The following DAB1 variants were observed in gnomAD, a reference collection of about 807,000 sequenced individuals.
The protein encoded by DAB1 is disabled homolog 1.
In DAB1, 15 loss-of-function variants were observed where a neutral mutation model predicts 64.6. The ratio of observed to expected loss-of-function variants is 0.23; its 90% CI spans 0.16 to 0.36. The LOEUF (loss-of-function observed/expected upper bound fraction) is 0.36, where lower values mean the gene tolerates loss of function less well. DAB1 is among the 10% of genes least tolerant of loss of function. DAB1 has a pLI of 1.00. For synonymous variants in DAB1, 235 were observed against 251.9 expected (o/e 0.93, Z 0.64); for missense variants, 596 against 706.7 (o/e 0.84, Z 1.78).
chr1:57,389,239 C>T (rs1682134694), intron 1 of DAB1, among the ~76,000 whole-genome samples: 3 of 152,220 alleles, frequency 2.0e-5, no homozygotes, highest in Admixed American at 2.0e-4. Context: ...GCCCTTCACA[C>T]CTTCTACTCC....
chr1:58,255,231 C>T (rs1660901545), intron 4 of DAB1, among the ~76,000 whole-genome samples: 1 of 150,176 alleles, frequency 6.7e-6, no homozygotes, highest in Non-Finnish European at 1.5e-5. Flanking sequence ...GTCCTTCGCC[C>T]ACTTTTTGAT....
At chr1:58,189,020 G>A (rs553924567) in intron 4 of DAB1, among the ~76,000 whole-genome samples, 1 of 152,208 alleles carries the variant, frequency 6.6e-6, no homozygotes, top group African/African-American at 2.4e-5. Context: ...ATTGCTTGTT[G>A]TTTTTTTACA....
At chr1:58,016,691 A>G (rs895378643) in intron 5 of DAB1, among the ~76,000 whole-genome samples, 1 of 152,122 alleles carries the variant, frequency 6.6e-6, no homozygotes, top group Admixed American at 6.6e-5. Flanking sequence ...CTCTATTGTC[A>G]TTAGTCAGCC....
intron 5 of DAB1, among the ~76,000 whole-genome samples, chr1:57,936,812 A>C (rs920301450): frequency 1.6e-4 from 24 of 152,128 alleles, no homozygotes; most frequent in Admixed American, 1.6e-3. Flanking sequence ...ATTAAATACA[A>C]ACTTTCTGTG....
At chr1:57,455,002 A>G (rs1424622214) in intron 7 of DAB1, among the ~76,000 whole-genome samples, 1 of 152,186 alleles carries the variant, frequency 6.6e-6, no homozygotes, top group Non-Finnish European at 1.5e-5. Flanking sequence ...AGAGAGGGCA[A>G]CTTTGTCTAA....
chr1:57,054,852 G>A lies in DAB1; in HGVS notation c.723+8032C>T, dbSNP rs531324334. On this transcript the variant is annotated intron_variant, in intron 9 of 14. Coordinates refer to ENST00000371236, the MANE Select transcript of DAB1 (RefSeq NM_001365792.1). ...AGAACATGTCCAGCATTATCAGCCC[G>A]AAGAAACAAAGACTACGTGTATTTC... 2.8e-4 allele frequency among the ~76,000 whole-genome samples: 42 copies of A among 152,268 alleles called. 1 individual carries two copies. The South Asian group carries it at 5.4e-3, about 20-fold the overall frequency.
At chr1:58,094,744 A>G (rs1557647762) in intron 5 of DAB1, among the ~76,000 whole-genome samples, 1 of 152,214 alleles carries the variant, frequency 6.6e-6, no homozygotes, top group Non-Finnish European at 1.5e-5. Context: ...GATTTATTTA[A>G]GCATCTTTGG....
chr1:58,196,832 T>G (rs1358519953), intron 4 of DAB1, among the ~76,000 whole-genome samples: 1 of 152,180 alleles, frequency 6.6e-6, no homozygotes, highest in East Asian at 1.9e-4. Context: ...ACATGGGGAT[T>G]ACAATTTGCG....
At chr1:57,004,832 A>T (rs1646005777) in intron 14 of DAB1, among the ~76,000 whole-genome samples, 2 of 152,182 alleles carry the variant, frequency 1.3e-5, no homozygotes, top group Non-Finnish European at 2.9e-5. Flanking sequence ...TTCCGATATG[A>T]ACTTAGGCGA....
In DAB1 at chr1:58,243,241, G is replaced by GA. The variant is rs200196870; in HGVS notation, n.310-92654dup. Among the ~76,000 whole-genome samples the GA allele has an allele frequency of 1.4e-3, 201 of 146,570 alleles. 2 individuals carry two copies. The highest frequency in any genetic ancestry group is 0.011 in the East Asian group (53 of 5,000). ...ATCTAAGCTCAAGCTTCCAAAAAAA[G>GA]AAAAAAAAAGGTCATTTTGAAATAA... On this transcript the variant is annotated intron_variant and non_coding_transcript_variant, in intron 4 of 20. Coordinates refer to the DAB1 transcript ENST00000485760.
intron 4 of DAB1, among the ~76,000 whole-genome samples, chr1:58,339,128 C>T (rs768787649): frequency 2.6e-5 from 4 of 152,010 alleles, no homozygotes; most frequent in Non-Finnish European, 4.4e-5. Flanking sequence ...GAATCTTACA[C>T]TTTTAAATGG....
At chr1:57,792,603 C>T (rs956275923) in intron 6 of DAB1, among the ~76,000 whole-genome samples, 2 of 152,172 alleles carry the variant, frequency 1.3e-5, no homozygotes, top group African/African-American at 4.8e-5. Context: ...GCTGAGGTGT[C>T]GCCTTTGTTT....
At chr1:57,955,023 C>T (rs540691458) in intron 5 of DAB1, among the ~76,000 whole-genome samples, 28 of 152,312 alleles carry the variant, frequency 1.8e-4, no homozygotes, top group Non-Finnish European at 3.2e-4. Context: ...AGAGGCATAG[C>T]GGCCCTGTTT....
chr1:57,035,263 T>C (rs1274652606), intron 9 of DAB1, among the ~76,000 whole-genome samples: 1 of 152,158 alleles, frequency 6.6e-6, no homozygotes, highest in Admixed American at 6.5e-5. Flanking sequence ...TAACTTTTAA[T>C]AAAAACATTT....
At chr1:57,952,810 T>C (rs1225251310) in intron 5 of DAB1, among the ~76,000 whole-genome samples, 1 of 152,072 alleles carries the variant, frequency 6.6e-6, no homozygotes, top group East Asian at 1.9e-4. Context: ...TCCAACACCA[T>C]CCTCACTAAG....
intron 5 of DAB1, among the ~76,000 whole-genome samples, chr1:58,093,576 T>C (rs1436187917): frequency 6.6e-6 from 1 of 151,972 alleles, no homozygotes; most frequent in African/African-American, 2.4e-5. Flanking sequence ...AGTTTCATCC[T>C]GAAACCATCC....
At chr1:57,277,725 A>G (rs1239535762) in intron 2 of DAB1, among the ~76,000 whole-genome samples, 2 of 152,184 alleles carry the variant, frequency 1.3e-5, no homozygotes, top group South Asian at 2.1e-4. Flanking sequence ...GGATCACATA[A>G]TAAGAACATT....
chr1:57,938,770 G>T (rs1203911906), intron 5 of DAB1, among the ~76,000 whole-genome samples: 1 of 151,878 alleles, frequency 6.6e-6, no homozygotes, highest in Non-Finnish European at 1.5e-5. Context: ...CCTTCCCCAG[G>T]CCCCCTGGAG....
At chr1:58,532,924 T>C (rs1485109759) in intron 1 of DAB1, among the ~76,000 whole-genome samples, 1 of 152,214 alleles carries the variant, frequency 6.6e-6, no homozygotes, top group Non-Finnish European at 1.5e-5. Flanking sequence ...TCTCATCTTA[T>C]TAATAGTCTA....
Sources: allele counts gnomAD v4.1 joint callset (sites outside exome capture counted in the v4.1 genomes callset), GRCh38; gene constraint gnomAD v4.1.1; transcripts MANE v1.5; gene names NCBI Gene and HGNC (gene_info 2026-07-23, HGNC 2026-07-21).